ABCB4: variants seen among roughly 807,000 people sequenced by gnomAD.
ABCB4 encodes ATP binding cassette subfamily B member 4.
In ABCB4, 76 loss-of-function variants were observed where a neutral mutation model predicts 145.7. The observed-to-expected ratio is 0.52, with a 90% CI of 0.43 to 0.63. The LOEUF (loss-of-function observed/expected upper bound fraction) is 0.63. Ranked by LOEUF, ABCB4 falls within the 30% of genes least tolerant of loss-of-function variation. The probability of loss-of-function intolerance (pLI) is 0.00; values close to 1 mark genes in which losing one functional copy is unlikely to be tolerated. For synonymous variants in ABCB4, 517 were observed against 566.8 expected, an observed-to-expected ratio of 0.91 and a Z score of 1.25; for missense variants, 1,234 against 1,553.1, an observed-to-expected ratio of 0.79 and a Z score of 3.45.
chr7:87,411,380 G>A (rs1385948497), intron 23 of ABCB4, among the ~76,000 whole-genome samples: 1 of 152,136 alleles, frequency 6.6e-6, no homozygotes, highest in African/African-American at 2.4e-5. Context: ...AAGACCAGTA[G>A]TTTGCCTTGG....
chr7:87,444,461 G>C (rs1811205631), intron 10 of ABCB4, among the ~76,000 whole-genome samples: 1 of 151,908 alleles, frequency 6.6e-6, no homozygotes, highest in South Asian at 2.1e-4. Context: ...TTTGGAGAGG[G>C]GGAACCCACA....
chr7:87,453,876 A>AT (rs1811932120), intron 5 of ABCB4, among the ~76,000 whole-genome samples: 1 of 152,082 alleles, frequency 6.6e-6, no homozygotes, highest in African/African-American at 2.4e-5. Flanking sequence ...TTCCATATTG[A>AT]TTTTTCCACA....
Position 87,417,416 on chromosome 7 carries a change from G to A in ABCB4, c.2578C>T (p.Leu860=). The part of the protein sequence containing the change: ...FIYGWQLTLL[L]LAVVPIIAVS... ...GCAATAATTGGAACAACTGCTAATA[G>A]CAATAGGGTTAACTGCCAACCGTAG... Residue 860 remains leucine (L), a synonymous_variant, in exon 21 of 28, where the codon CTA becomes TTA. Transcript: ENST00000649586. The A allele has an allele frequency of 6.2e-7, 1 of 1,614,034 alleles. No individual in the cohort carries two copies. Among genetic ancestry groups the A allele is most frequent in the Non-Finnish European group, 8.5e-7 (1 of 1,179,974 alleles).
At chr7:87,370,472 C>T in the ABCB4 span, among the ~76,000 whole-genome samples, 11 of 152,142 alleles carry the variant, frequency 7.2e-5, no homozygotes, top group Admixed American at 7.2e-4. Flanking sequence ...CATGAGCCAC[C>T]ACACCCAGCC....
At chr7:87,440,982 G>A (rs45533331) in intron 12 of ABCB4, among the ~76,000 whole-genome samples, 9,273 of 152,162 alleles carry the variant, frequency 0.061, 322 homozygotes, top group South Asian at 0.13. Flanking sequence ...CCTCGTGACC[G>A]CCCGCCTTGG....
chr7:87,461,259 A>G (rs1812442483), intron 4 of ABCB4, among the ~76,000 whole-genome samples: 1 of 152,190 alleles, frequency 6.6e-6, no homozygotes, highest in Admixed American at 6.5e-5. Context: ...CTCTTTAAAG[A>G]CTTTTTAAAC....
intron 20 of ABCB4, among the ~76,000 whole-genome samples, chr7:87,418,036 T>G (rs1809110933): frequency 6.6e-6 from 1 of 152,198 alleles, no homozygotes; most frequent in Non-Finnish European, 1.5e-5. Context: ...CCATTCCTCC[T>G]TCTCCTGTTG....
chr7:87,470,304 C>T (rs1014664522), intron 3 of ABCB4, among the ~76,000 whole-genome samples: 3 of 152,192 alleles, frequency 2.0e-5, no homozygotes, highest in African/African-American at 7.2e-5. Context: ...AGGACATAGG[C>T]ATGGTCAAGG....
chr7:87,445,073 G>A (rs528224495), intron 9 of ABCB4, 98 bp from the exon 10 acceptor site: 8 of 820,704 alleles, frequency 9.7e-6, no homozygotes, highest in Non-Finnish European at 1.2e-5. Context: ...AAAGGATTAA[G>A]TTTAGGTTTA....
At chr7:87,373,019 G>C in the ABCB4 span, among the ~76,000 whole-genome samples, 1 of 152,054 alleles carries the variant, frequency 6.6e-6, no homozygotes, top group African/African-American at 2.4e-5. Context: ...AGGTCATATG[G>C]TAATTCTATG....
At chr7:87,440,428 A>C in intron 12 of ABCB4, 26 bp from the exon 13 acceptor site, 1 of 1,601,550 alleles carries the variant, frequency 6.2e-7, no homozygotes. Flanking sequence ...ATTTCCTATT[A>C]AGTATTTAAC....
chr7:87,458,449 T>C (rs1294124282), intron 4 of ABCB4, among the ~76,000 whole-genome samples: 1 of 152,214 alleles, frequency 6.6e-6, no homozygotes, highest in Non-Finnish European at 1.5e-5. Flanking sequence ...CTTTCTCATT[T>C]GGCTCCTATT....
chr7:87,422,602 T>C (rs1189185919), intron 17 of ABCB4, among the ~76,000 whole-genome samples: 1 of 152,178 alleles, frequency 6.6e-6, no homozygotes, highest in Non-Finnish European at 1.5e-5. Context: ...ACATACTGCA[T>C]ATGGACTGTG....
chr7:87,418,394 T>G, intron 20 of ABCB4, 143 bp downstream of exon 20: 1 of 791,302 alleles, frequency 1.3e-6, no homozygotes, highest in Non-Finnish European at 2.1e-6. Context: ...TGAAGTTTAA[T>G]CTTCTGCTTA....
intron 3 of ABCB4, among the ~76,000 whole-genome samples, chr7:87,471,279 G>C (rs1813378570): frequency 6.6e-6 from 1 of 151,982 alleles, no homozygotes; most frequent in Non-Finnish European, 1.5e-5. Context: ...ACAAGTTAAT[G>C]GGTGCAGCAC....
chr7:87,474,205 G>A (rs1239903653), intron 2 of ABCB4, among the ~76,000 whole-genome samples: 2 of 152,156 alleles, frequency 1.3e-5, no homozygotes, highest in African/African-American at 2.4e-5. Flanking sequence ...TTAAGCCAGT[G>A]CAATACATAA....
Position 87,431,498 on chromosome 7 carries a change from A to G in ABCB4, c.1799T>C (p.Ile600Thr). The G allele has an allele frequency of 6.2e-7, 1 of 1,614,144 alleles. No homozygotes were observed. Among genetic ancestry groups the G allele is most frequent in the Non-Finnish European group, 8.5e-7 (1 of 1,179,996 alleles). ...RLSTVRNADV[I>T]AGFEDGVIVE... ...AATTACTCCATCCTCAAACCCAGCG[A>G]TGACATCTGCATTTCGGACCGTAGA... The change falls in exon 15 of 28, where the codon ATC becomes ACC. Residue 600 changes from isoleucine to threonine, a missense_variant. Physicochemically the swap from Ile to Thr is moderately conservative, Grantham distance 89. Transcript: ENST00000649586.
chr7:87,429,493 A>T (rs750499377), intron 15 of ABCB4, among the ~76,000 whole-genome samples: 1 of 152,196 alleles, frequency 6.6e-6, no homozygotes, highest in African/African-American at 2.4e-5. Context: ...AGCTGTCTGC[A>T]TCTCTTTAGC....
At chr7:87,423,493 T>A (rs1408646958) in intron 17 of ABCB4, 1 of 245,804 alleles carries the variant, frequency 4.1e-6, no homozygotes, top group East Asian at 9.9e-5. Context: ...CGAGAGCTAT[T>A]GAGTGGTGAG....
Sources: allele counts gnomAD v4.1 joint callset (sites outside exome capture counted in the v4.1 genomes callset), GRCh38; gene constraint gnomAD v4.1.1; transcripts MANE v1.5; gene names NCBI Gene and HGNC (gene_info 2026-07-23, HGNC 2026-07-21).